Variants in ARID4B observed in about 807,000 individuals in gnomAD.
ARID4B encodes AT-rich interaction domain 4B.
Under a neutral mutation model 147.5 loss-of-function variants are expected in ARID4B, and 26 were observed. The observed-to-expected ratio is 0.18, with a 90% CI of 0.13 to 0.24. The LOEUF is 0.24. Among genes scored for constraint, ARID4B ranks in the 10% least tolerant of loss-of-function variants. ARID4B has a pLI of 1.00. For synonymous variants in ARID4B, 512 were observed against 507.9 expected (o/e 1.01, Z -0.11); for missense variants, 1,179 against 1,511.5 (o/e 0.78, Z 3.65).
chr1:235,288,167 C>T (rs147602302), intron 2 of ARID4B, among the ~76,000 whole-genome samples: 20,003 of 152,120 alleles, frequency 0.13, 1,532 homozygotes, highest in African/African-American at 0.2. Flanking sequence ...TAAAAATTAG[C>T]CAGGCGTGGT....
At chr1:235,238,007 G>A (rs554473205) in intron 8 of ARID4B, among the ~76,000 whole-genome samples, 82 of 151,874 alleles carry the variant, frequency 5.4e-4, no homozygotes, top group African/African-American at 1.7e-3. Context: ...AAAATTAGCC[G>A]GGCATGGTGG....
chr1:235,264,912 T>C (rs1449635795), intron 2 of ARID4B, among the ~76,000 whole-genome samples: 2 of 151,678 alleles, frequency 1.3e-5, no homozygotes, highest in African/African-American at 2.4e-5. Flanking sequence ...TATAAAAAAT[T>C]AGCCAGGCAT....
At chr1:235,178,313 A>T (rs1209651273) in intron 20 of ARID4B, among the ~76,000 whole-genome samples, 1 of 152,200 alleles carries the variant, frequency 6.6e-6, no homozygotes, top group Non-Finnish European at 1.5e-5. Flanking sequence ...TGTTAATGAC[A>T]TTATGTCTTA....
chr1:235,300,747 G>T (rs1432445191), intron 2 of ARID4B, among the ~76,000 whole-genome samples: 2 of 151,962 alleles, frequency 1.3e-5, no homozygotes, highest in South Asian at 4.2e-4. Context: ...GTCTCGCTCT[G>T]TAGCCAGGCT....
intron 2 of ARID4B, among the ~76,000 whole-genome samples, chr1:235,304,744 T>A (rs1473036504): frequency 3.3e-5 from 5 of 152,168 alleles, no homozygotes; most frequent in Admixed American, 3.3e-4. Context: ...AGACTACCCA[T>A]CACCACAAGC....
At chr1:235,301,118 TCAAA>T (rs1354701595) in intron 2 of ARID4B, among the ~76,000 whole-genome samples, 13 of 145,974 alleles carry the variant, frequency 8.9e-5, no homozygotes, top group Admixed American at 7.0e-5. Context: ...ATTCCTGGGC[TCAAA>T]CAATCTTCCT....
chr1:235,224,936 G>A lies in ARID4B; in HGVS notation c.898-161C>T, dbSNP rs917642697. On this transcript the variant is annotated intron_variant, in intron 11 of 23. Coordinates refer to ENST00000264183, the MANE Select transcript of ARID4B (RefSeq NM_016374.6). Reference sequence around the variant, plus strand: ...TTAACACTAAGCTGTTCAAAACCAGGTAAGTCTAGACATTTTATGTTTTAT... The same window carrying A: ...TTAACACTAAGCTGTTCAAAACCAGATAAGTCTAGACATTTTATGTTTTAT... 3.9e-5 allele frequency among the ~76,000 whole-genome samples: 6 copies of A among 152,224 alleles called. No individual in the cohort carries two copies. The East Asian group carries it at 1.2e-3, about 29-fold the overall frequency.
At chr1:235,239,910 A>C (rs1668876045) in intron 8 of ARID4B, among the ~76,000 whole-genome samples, 1 of 152,182 alleles carries the variant, frequency 6.6e-6, no homozygotes. Context: ...AGTACCTAAA[A>C]GGCAAGATTA....
At position 235,271,548 on chromosome 1, in the gene ARID4B, TGGACTCG is replaced by T. The variant is rs1670986811; in HGVS notation, c.7-10803_7-10797del. Reference sequence around the variant, plus strand: ...GGGAGGCTGAGGCAGGAGTATCACTTGGACTCGGGAGGCGGAGATTGCAGTGAGCCGA... The same window carrying T: ...GGGAGGCTGAGGCAGGAGTATCACTTGGAGGCGGAGATTGCAGTGAGCCGA... On this transcript the variant is annotated intron_variant, in intron 2 of 23. Transcript: ENST00000264183. Among the ~76,000 whole-genome samples the T allele has an allele frequency of 2.0e-5, 3 of 151,374 alleles. No individual in the cohort carries two copies. In the East Asian group the frequency reaches 5.8e-4, roughly 29 times the overall value.
At chr1:235,172,895 A>AT in intron 22 of ARID4B, 131 bp from the exon 23 acceptor site, 2 of 745,250 alleles carry the variant, frequency 2.7e-6, no homozygotes, top group South Asian at 2.5e-5. Flanking sequence ...CTTCTGAAAT[A>AT]TTTGTTTTCC....
At chr1:235,196,491 T>C (rs1265630183) in intron 17 of ARID4B, among the ~76,000 whole-genome samples, 3 of 152,166 alleles carry the variant, frequency 2.0e-5, no homozygotes, top group Middle Eastern at 3.2e-3. Context: ...GGTAGGCAAT[T>C]TTTCTCTAGA....
Position 235,263,762 on chromosome 1 carries a change from C to A in ARID4B, c.7-3010G>T, listed in dbSNP as rs1434052718. ...CACCACTTTGGGAGGCTGAGGCGGG[C>A]GGATCACGAGGTCAGGAGATCAAAA... On this transcript the variant is annotated intron_variant, in intron 2 of 23. Transcript: ENST00000264183. Among the ~76,000 whole-genome samples, 3 of 151,172 alleles carry A rather than the reference C, an allele frequency of 2.0e-5. No homozygotes were observed. In the South Asian group the frequency reaches 6.3e-4, roughly 32 times the overall value.
intron 2 of ARID4B, among the ~76,000 whole-genome samples, chr1:235,314,707 T>C (rs1166547385): frequency 1.3e-5 from 2 of 152,158 alleles, no homozygotes; most frequent in Non-Finnish European, 2.9e-5. Flanking sequence ...CTGGTTTATA[T>C]TTAATTTACA....
At chr1:235,218,801 A>AT (rs1667254834) in intron 16 of ARID4B, among the ~76,000 whole-genome samples, 1 of 150,794 alleles carries the variant, frequency 6.6e-6, no homozygotes, top group Admixed American at 6.6e-5. Flanking sequence ...TATAAGCCCC[A>AT]TTTTTTATTT....
intron 19 of ARID4B, among the ~76,000 whole-genome samples, chr1:235,192,848 G>A (rs1665210053): frequency 6.6e-6 from 1 of 152,200 alleles, no homozygotes; most frequent in Non-Finnish European, 1.5e-5. Flanking sequence ...GCTCACGCCT[G>A]TAATCCCAGC....
chr1:235,240,169 C>T (rs1022116842), intron 8 of ARID4B, 144 bp downstream of exon 8: 13 of 683,958 alleles, frequency 1.9e-5, no homozygotes, highest in African/African-American at 3.7e-5. Flanking sequence ...TCAAAGACAA[C>T]GTTGAAAGTA....
intron 3 of ARID4B, 98 bp from the exon 4 acceptor site, chr1:235,257,323 T>C (rs2103109551): frequency 1.2e-6 from 1 of 802,328 alleles, no homozygotes. Context: ...AAATATAAAA[T>C]AATAGCTGCC....
Position 235,252,720 on chromosome 1 carries a change from G to T in ARID4B, c.354+10C>A. ...ATTAAGACATGTTCATTTGTTAAATGATGACTTACTTCACTTTCAGCAAAA... is the reference window on the plus strand; with the variant it reads ...ATTAAGACATGTTCATTTGTTAAATTATGACTTACTTCACTTTCAGCAAAA... On this transcript the variant is annotated intron_variant, in intron 6 of 23. Coordinates refer to ENST00000264183, the MANE Select transcript of ARID4B (RefSeq NM_016374.6). 6.2e-7 allele frequency: 1 copy of T among 1,607,790 alleles called. No homozygotes were observed. The highest frequency in any genetic ancestry group is 8.5e-7 in the Non-Finnish European group (1 of 1,176,814).
chr1:235,181,463 A>G, intron 20 of ARID4B, 122 bp downstream of exon 20: 1 of 1,309,410 alleles, frequency 7.6e-7, no homozygotes, highest in Non-Finnish European at 1.0e-6. Context: ...TTCCATTTTT[A>G]CCATGTTCAC....
Sources: gnomAD v4.1 joint callset for allele counts (sites outside exome capture counted in the v4.1 genomes callset) on GRCh38, gnomAD v4.1.1 for gene constraint, MANE v1.5 for transcripts, NCBI Gene and HGNC (gene_info 2026-07-23, HGNC 2026-07-21) for gene names.